TENM2: variants seen among roughly 807,000 people sequenced by gnomAD.
TENM2 encodes teneurin transmembrane protein 2.
TENM2 carries 52 observed loss-of-function variants against 245.2 expected under a neutral mutation model. That is an observed-to-expected ratio of 0.21 (90% CI 0.17 to 0.27). TENM2 has a LOEUF of 0.27. TENM2 is among the 10% of genes least tolerant of loss of function. The pLI, the probability that TENM2 is intolerant of heterozygous loss-of-function variation, is 1.00. For missense variants in TENM2, 3,046 were observed against 3,666.8 expected (o/e 0.83, Z 4.37); for synonymous variants, 1,363 against 1,438.9 (o/e 0.95, Z 1.19).
intron 2 of TENM2, among the ~76,000 whole-genome samples, chr5:167,400,449 G>A (rs1762298294): frequency 6.6e-6 from 1 of 152,062 alleles, no homozygotes; most frequent in Admixed American, 6.6e-5. Context: ...CATCTGACTG[G>A]GAAACAGGAA....
chr5:167,485,073 A>C (rs1767977482), intron 2 of TENM2, among the ~76,000 whole-genome samples: 1 of 152,182 alleles, frequency 6.6e-6, no homozygotes, highest in Non-Finnish European at 1.5e-5. Flanking sequence ...CTCTTAAAAT[A>C]TCTCCCGAGG....
intron 2 of TENM2, among the ~76,000 whole-genome samples, chr5:167,459,936 G>GCA (rs1221859918): frequency 1.5e-4 from 15 of 99,156 alleles, no homozygotes; most frequent in Admixed American, 5.3e-4. Context: ...ACACACACAC[G>GCA]CACACACACA....
chr5:167,729,901 C>T (rs1760296031), intron 2 of TENM2, among the ~76,000 whole-genome samples: 1 of 152,188 alleles, frequency 6.6e-6, no homozygotes, highest in African/African-American at 2.4e-5. Flanking sequence ...TTGGAGACAT[C>T]TAATTACTTT....
chr5:167,803,711 T>A (rs1765945491), intron 2 of TENM2, among the ~76,000 whole-genome samples: 1 of 152,128 alleles, frequency 6.6e-6, no homozygotes, highest in South Asian at 2.1e-4. Flanking sequence ...CCTCTCTTTC[T>A]TTGTTTATTA....
chr5:167,442,852 G>C (rs1764949039), intron 2 of TENM2, among the ~76,000 whole-genome samples: 1 of 152,112 alleles, frequency 6.6e-6, no homozygotes, highest in East Asian at 1.9e-4. Flanking sequence ...CTTAGTGCAA[G>C]GGGTCTGCTA....
chr5:168,244,630 G>A lies in TENM2; in HGVS notation c.5731G>A (p.Glu1911Lys), dbSNP rs748170763. The A allele has an allele frequency of 1.3e-6, 2 of 1,584,112 alleles. No homozygotes were observed. The highest frequency in any genetic ancestry group is 1.7e-6 in the Non-Finnish European group (2 of 1,160,414). The change falls in exon 26 of 29, where the codon GAG becomes AAG. Residue 1911 changes from glutamate (E) to lysine (K), a missense_variant. Around this residue, in one of 2 missense-constraint regions of TENM2, gnomAD observed 2,704 missense variants for 3,331.9 expected, o/e 0.81. Transcript: ENST00000518659. The surrounding 1 kb of genome is among the most constrained non-coding windows in gnomAD (Gnocchi z 4.9). ...TGGGCTTCAGCGTGGGGCCATGAGC[G>A]AGAGGACAGACATCGACAAGCAAGG...
At chr5:167,130,476 T>G in the TENM2 span, among the ~76,000 whole-genome samples, 1 of 152,138 alleles carries the variant, frequency 6.6e-6, no homozygotes, top group Non-Finnish European at 1.5e-5. Flanking sequence ...GATAACTGAG[T>G]CACAAAGAGG....
At chr5:167,320,972 A>G (rs1051404096) in intron 1 of TENM2, among the ~76,000 whole-genome samples, 1 of 152,056 alleles carries the variant, frequency 6.6e-6, no homozygotes, top group African/African-American at 2.4e-5. Flanking sequence ...AATCTAGAAC[A>G]TACCTGCAAT....
intron 13 of TENM2, 137 bp from the exon 16 acceptor site, chr5:168,190,200 G>T (rs1161872982): frequency 9.8e-6 from 6 of 609,532 alleles, no homozygotes; most frequent in Non-Finnish European, 1.8e-5. Flanking sequence ...GAGGCTTGCT[G>T]TGTGAAACCT....
At chr5:167,919,003 G>A (rs1240184179) in intron 3 of TENM2, among the ~76,000 whole-genome samples, 6 of 152,130 alleles carry the variant, frequency 3.9e-5, no homozygotes, top group East Asian at 1.9e-4. Flanking sequence ...ATATGACTCC[G>A]TGTGTGCACT....
chr5:167,792,585 C>T lies in TENM2; in HGVS notation c.503-83401C>T, dbSNP rs139387641. Among the ~76,000 whole-genome samples the T allele has an allele frequency of 5.6e-3, 859 of 152,160 alleles. 10 individuals are homozygous for T. Among genetic ancestry groups the T allele is most frequent in the African/African-American group, 0.02 (825 of 41,534 alleles). The stretch of plus-strand genomic sequence containing the variant: ...CTGACTATAATAGCTCCTCGGGAGC[C>T]ACAAAGAGCAGTTGTGTACATCCTT... On this transcript the variant is annotated intron_variant, in intron 2 of 28. Coordinates refer to ENST00000518659, the Ensembl canonical transcript of TENM2.
At chr5:167,393,754 GGAA>G (rs1273015845) in intron 2 of TENM2, among the ~76,000 whole-genome samples, 1 of 152,110 alleles carries the variant, frequency 6.6e-6, no homozygotes, top group Non-Finnish European at 1.5e-5. Context: ...AGAATATAGT[GGAA>G]GAAGACAAGA....
At chr5:167,155,062 A>G in the TENM2 span, among the ~76,000 whole-genome samples, 1 of 152,210 alleles carries the variant, frequency 6.6e-6, no homozygotes, top group Non-Finnish European at 1.5e-5. Flanking sequence ...TTGCTGATGA[A>G]TTGGTAAAGA....
chr5:167,688,400 C>A (rs1305799156), intron 2 of TENM2, among the ~76,000 whole-genome samples: 1 of 152,110 alleles, frequency 6.6e-6, no homozygotes, highest in East Asian at 1.9e-4. Flanking sequence ...TTAAATGATC[C>A]CCTATTGTTG....
chr5:167,393,979 G>A (rs1761912782), intron 2 of TENM2, among the ~76,000 whole-genome samples: 3 of 152,196 alleles, frequency 2.0e-5, no homozygotes, highest in Non-Finnish European at 2.9e-5. Flanking sequence ...AGGCTATATG[G>A]TTTTCTGATA....
chr5:167,577,469 G>T (rs1295704989), intron 2 of TENM2, among the ~76,000 whole-genome samples: 1 of 152,094 alleles, frequency 6.6e-6, no homozygotes, highest in African/African-American at 2.4e-5. Context: ...TCTCTTTTCT[G>T]GGAGGAAAAA....
chr5:167,514,654 T>A (rs1329951250), intron 2 of TENM2, among the ~76,000 whole-genome samples: 1 of 152,136 alleles, frequency 6.6e-6, no homozygotes, highest in Non-Finnish European at 1.5e-5. Context: ...GTGTAGGGCC[T>A]GAATGACTGA....
At chr5:168,206,515 T>A (rs1184149345) in intron 19 of TENM2, among the ~76,000 whole-genome samples, 1 of 151,978 alleles carries the variant, frequency 6.6e-6, no homozygotes, top group African/African-American at 2.4e-5. Context: ...ATTATGGAGA[T>A]CCAGAGACAG....
Position 167,762,086 on chromosome 5 carries a change from T to C in TENM2, c.503-113900T>C, listed in dbSNP as rs74488224. 8.1e-3 allele frequency among the ~76,000 whole-genome samples: 1,237 copies of C among 152,292 alleles called. 11 individuals carry two copies. The highest frequency in any genetic ancestry group is 0.013 in the Non-Finnish European group (888 of 68,024). On this transcript the variant is annotated intron_variant, in intron 2 of 28. Coordinates refer to ENST00000518659, the Ensembl canonical transcript of TENM2. ...AGTTCTTGATTCTCAGATGGCTCTT[T>C]GGAAGAAAAATCAAAGTGAAGTGAC...
Sources: allele counts gnomAD v4.1 joint callset (sites outside exome capture counted in the v4.1 genomes callset), GRCh38; gene constraint gnomAD v4.1.1; regional missense constraint gnomAD v4.1.1; non-coding constraint Gnocchi (gnomAD v3.1); transcripts MANE v1.5; gene names NCBI Gene and HGNC (gene_info 2026-07-23, HGNC 2026-07-21).